Variants in UTRN observed in about 807,000 individuals in gnomAD.
UTRN encodes dystrophin-related protein 1.
A neutral mutation model predicts 463.9 loss-of-function variants in UTRN; 283 were observed. The observed-to-expected ratio is 0.61, with a 90% CI of 0.55 to 0.67. UTRN has a LOEUF of 0.67. Among genes scored for constraint, UTRN ranks in the 30% least tolerant of loss-of-function variants. The pLI, the probability that UTRN is intolerant of heterozygous loss-of-function variation, is 0.00. For synonymous variants in UTRN, 1,442 were observed against 1,431.5 expected, an observed-to-expected ratio of 1.01 and a Z score of -0.17; for missense variants, 3,922 against 4,084.3, an observed-to-expected ratio of 0.96 and a Z score of 1.08.
chr6:144,826,363 A>G (rs1024803011), intron 66 of UTRN, among the ~76,000 whole-genome samples: 3 of 152,104 alleles, frequency 2.0e-5, no homozygotes, highest in Admixed American at 6.6e-5. Context: ...TAATAGAAAT[A>G]GGAGAATCAA....
At chr6:144,740,639 A>G (rs1254710372) in intron 54 of UTRN, among the ~76,000 whole-genome samples, 1 of 152,264 alleles carries the variant, frequency 6.6e-6, no homozygotes, top group Admixed American at 6.5e-5. Flanking sequence ...GATTTTTCAC[A>G]AATTAAAGTT....
intron 51 of UTRN, among the ~76,000 whole-genome samples, chr6:144,661,649 G>A (rs1779880384): frequency 6.6e-6 from 1 of 152,122 alleles, no homozygotes; most frequent in Non-Finnish European, 1.5e-5. Context: ...AGCTTGTTTT[G>A]TATAGATTTG....
chr6:144,591,364 C>G (rs1336661098), intron 51 of UTRN, among the ~76,000 whole-genome samples: 4 of 152,064 alleles, frequency 2.6e-5, no homozygotes, highest in Admixed American at 6.6e-5. Flanking sequence ...TGAGGAAATG[C>G]AAGAAAAAAC....
At chr6:144,805,863 G>C (rs926825005) in intron 65 of UTRN, among the ~76,000 whole-genome samples, 3 of 152,022 alleles carry the variant, frequency 2.0e-5, no homozygotes, top group Non-Finnish European at 4.4e-5. Flanking sequence ...AAGAAACCAG[G>C]ACAAATTTGA....
chr6:144,437,106 C>T (rs200063583), intron 10 of UTRN, among the ~76,000 whole-genome samples: 2 of 151,746 alleles, frequency 1.3e-5, no homozygotes, highest in East Asian at 1.9e-4. Flanking sequence ...ACATGTGCCA[C>T]CACGCCCGGC....
chr6:144,356,495 T>C, intron 2 of UTRN, among the ~76,000 whole-genome samples: 1 of 152,182 alleles, frequency 6.6e-6, no homozygotes, highest in East Asian at 1.9e-4. Context: ...ATATTCACTA[T>C]TATTATTGTT....
intron 2 of UTRN, among the ~76,000 whole-genome samples, chr6:144,305,623 G>A (rs1260878317): frequency 6.6e-6 from 1 of 152,258 alleles, no homozygotes; most frequent in Non-Finnish European, 1.5e-5. Context: ...GGGAAAAGCT[G>A]AAGTGTAGTT....
intron 52 of UTRN, among the ~76,000 whole-genome samples, chr6:144,689,235 C>A (rs73591946): frequency 0.04 from 6,054 of 152,208 alleles, 392 homozygotes; most frequent in African/African-American, 0.14. Context: ...CAGGTGCACC[C>A]ACGCCAAGCT....
At chr6:144,492,062 C>T (rs994099494) in intron 32 of UTRN, among the ~76,000 whole-genome samples, 4 of 151,978 alleles carry the variant, frequency 2.6e-5, no homozygotes, top group South Asian at 2.1e-4. Context: ...TACATGTGCA[C>T]GTTTGATACA....
intron 2 of UTRN, among the ~76,000 whole-genome samples, chr6:144,324,847 T>G (rs200043828): frequency 1.3e-5 from 2 of 152,320 alleles, no homozygotes; most frequent in African/African-American, 4.8e-5. Context: ...GGCTTTCTTA[T>G]GCATCTCACA....
chr6:144,608,702 T>G (rs1429634719), intron 51 of UTRN, among the ~76,000 whole-genome samples: 4 of 152,148 alleles, frequency 2.6e-5, no homozygotes, highest in Non-Finnish European at 5.9e-5. Flanking sequence ...GGGAGATATG[T>G]GAAGGACATG....
chr6:144,486,438 A>G (rs539766345), intron 28 of UTRN, among the ~76,000 whole-genome samples: 3 of 152,354 alleles, frequency 2.0e-5, no homozygotes, highest in African/African-American at 7.2e-5. Flanking sequence ...AACAGTTTGT[A>G]GATTTCTTCC....
intron 45 of UTRN, among the ~76,000 whole-genome samples, chr6:144,540,039 T>C: frequency 9.6e-6 from 1 of 104,452 alleles, no homozygotes; most frequent in Admixed American, 9.4e-5. Flanking sequence ...GGAGACCCTG[T>C]CTCAAAAAAA....
intron 69 of UTRN, among the ~76,000 whole-genome samples, chr6:144,830,309 T>TTA (rs1396608516): frequency 1.3e-5 from 2 of 152,144 alleles, no homozygotes; most frequent in Non-Finnish European, 2.9e-5. Context: ...TATACTGTCA[T>TTA]TATATATATT....
At chr6:144,556,760 T>G (rs982543184) in intron 49 of UTRN, among the ~76,000 whole-genome samples, 3 of 152,192 alleles carry the variant, frequency 2.0e-5, no homozygotes, top group African/African-American at 7.2e-5. Flanking sequence ...AAGACGTCCA[T>G]GTTGTTGATT....
At chr6:144,732,265 T>TATATATAC (rs1788722665) in intron 54 of UTRN, among the ~76,000 whole-genome samples, 3 of 78,422 alleles carry the variant, frequency 3.8e-5, no homozygotes, top group Admixed American at 2.5e-4. Flanking sequence ...TATACACACA[T>TATATATAC]ATATATATAT....
chr6:144,716,039 T>C (rs1246179455), intron 53 of UTRN, among the ~76,000 whole-genome samples: 1 of 152,168 alleles, frequency 6.6e-6, no homozygotes, highest in South Asian at 2.1e-4. Flanking sequence ...ATCATTTCAG[T>C]TACATGACAT....
At chr6:144,774,399 C>T (rs1312427354) in intron 60 of UTRN, 35 bp downstream of exon 60, 2 of 1,491,644 alleles carry the variant, frequency 1.3e-6, no homozygotes, top group Middle Eastern at 1.8e-4. Context: ...CAATCTGTTA[C>T]TTGAATTGCG....
In UTRN at chr6:144,509,159, C is replaced by T. The variant is rs561706116; in HGVS notation, c.4765-1785C>T. Among the ~76,000 whole-genome samples, 10 of 152,008 alleles carry T rather than the reference C, an allele frequency of 6.6e-5. No homozygotes were observed. The South Asian group carries it at 1.2e-3, about 19-fold the overall frequency. ...ATATCTTTGTTATATTAATTCTATT[C>T]GGTAACATATATGTCTCATTTTTGT... On this transcript the variant is annotated intron_variant, in intron 34 of 74. Transcript: ENST00000367545.
Sources: gnomAD v4.1 joint callset for allele counts (sites outside exome capture counted in the v4.1 genomes callset) on GRCh38, gnomAD v4.1.1 for gene constraint, MANE v1.5 for transcripts, NCBI Gene and HGNC (gene_info 2026-07-23, HGNC 2026-07-21) for gene names.